THRB: variants seen among roughly 807,000 people sequenced by gnomAD.
The protein encoded by THRB is thyroid hormone receptor beta.
In THRB, 12 loss-of-function variants were observed where a neutral mutation model predicts 47.8. The observed-to-expected ratio is 0.25, with a 90% CI of 0.16 to 0.41. The LOEUF is 0.41. THRB is among the 10% of genes least tolerant of loss of function. The pLI, the probability that THRB is intolerant of heterozygous loss-of-function variation, is 1.00. For missense variants in THRB, 348 were observed against 589.2 expected (o/e 0.59, Z 4.24); for synonymous variants, 218 against 212.2 (o/e 1.03, Z -0.24).
intron 3 of THRB, among the ~76,000 whole-genome samples, chr3:24,246,458 GA>G (rs2050121345): frequency 6.6e-6 from 1 of 152,216 alleles, no homozygotes; most frequent in Non-Finnish European, 1.5e-5. Context: ...TTCTCAGTGT[GA>G]AATGATTTCT....
At chr3:24,390,797 A>AAATATATATAT (rs5847290) in intron 1 of THRB, among the ~76,000 whole-genome samples, 15 of 137,862 alleles carry the variant, frequency 1.1e-4, no homozygotes, top group African/African-American at 3.8e-4. Context: ...AAAAAAAAAA[A>AAATATATATAT]ATATATATAT....
rs118086411 is a variant in THRB, at chr3:24,228,528, A to G, written c.22+410T>C. ...CTACTGTAAATCCAAGCACTTTGGGAGGCTGAGGTGGGAGAATCACTTGAG... is the reference window on the plus strand; with the variant it reads ...CTACTGTAAATCCAAGCACTTTGGGGGGCTGAGGTGGGAGAATCACTTGAG... On this transcript the variant is annotated intron_variant, in intron 4 of 10. Transcript: ENST00000646209. 2.2e-3 allele frequency among the ~76,000 whole-genome samples: 326 copies of G among 150,576 alleles called. 4 individuals are homozygous for G. Among genetic ancestry groups the G allele is most frequent in the East Asian group, 0.015 (73 of 5,022 alleles).
chr3:24,487,344 G>GCACACACACA (rs61358157), intron 1 of THRB, among the ~76,000 whole-genome samples: 1 of 146,384 alleles, frequency 6.8e-6, no homozygotes, highest in African/African-American at 2.5e-5. Flanking sequence ...AGACACACAA[G>GCACACACACA]CACACACACA....
chr3:24,434,160 A>G (rs1330034437), intron 1 of THRB, among the ~76,000 whole-genome samples: 1 of 152,152 alleles, frequency 6.6e-6, no homozygotes, highest in Non-Finnish European at 1.5e-5. Flanking sequence ...AAGGAAGATG[A>G]AGAGAGGACT....
intron 4 of THRB, among the ~76,000 whole-genome samples, chr3:24,224,098 A>C (rs2047417184): frequency 6.6e-6 from 1 of 152,202 alleles, no homozygotes; most frequent in Admixed American, 6.5e-5. Context: ...ATCTGGCTAA[A>C]ATGTGAAAAC....
At chr3:24,388,505 T>A (rs988109769) in intron 1 of THRB, among the ~76,000 whole-genome samples, 6 of 152,184 alleles carry the variant, frequency 3.9e-5, no homozygotes, top group Non-Finnish European at 7.3e-5. Flanking sequence ...TCCCTAGAAC[T>A]GTTTTGTGTG....
chr3:24,467,738 G>T (rs1232779529), intron 1 of THRB, among the ~76,000 whole-genome samples: 1 of 152,188 alleles, frequency 6.6e-6, no homozygotes, highest in Non-Finnish European at 1.5e-5. Context: ...CTGTCATCCA[G>T]GCTTTGTTGT....
rs572325175 is a variant in THRB at position 24,119,289 on chromosome 3, C to G, written c.*3595G>C. 5.3e-5 allele frequency: 8 copies of G among 152,342 alleles called. No individual in the cohort carries two copies. In the East Asian group the frequency reaches 1.5e-3, roughly 29 times the overall value. The allele number at this position is 152,342 out of a possible 1,614,324, so 9.4% of individuals were successfully genotyped here. On this transcript the variant is annotated 3_prime_UTR_variant, in exon 11 of 11. Coordinates refer to ENST00000646209, the MANE Select transcript of THRB (RefSeq NM_001354712.2). ...AAAGAGATTCAAATGTCGATCATCA[C>G]TCTCCATTTGAGGAGGAACTGTGGC...
chr3:24,256,895 G>A (rs2051344743), intron 3 of THRB, among the ~76,000 whole-genome samples: 1 of 152,206 alleles, frequency 6.6e-6, no homozygotes, highest in Non-Finnish European at 1.5e-5. Flanking sequence ...AGGATTCAGG[G>A]AAATGTTGAT....
chr3:24,182,758 T>A (rs1191579112), intron 5 of THRB, among the ~76,000 whole-genome samples: 1 of 152,216 alleles, frequency 6.6e-6, no homozygotes, highest in Non-Finnish European at 1.5e-5. Context: ...CAAGTTTCAA[T>A]GGCTGGTAAA....
At chr3:24,303,841 T>G (rs527458327) in intron 2 of THRB, among the ~76,000 whole-genome samples, 1 of 152,326 alleles carries the variant, frequency 6.6e-6, no homozygotes, top group African/African-American at 2.4e-5. Flanking sequence ...ATTTCCTACA[T>G]GTACTTTTAT....
Position 24,139,385 on chromosome 3 carries a change from C to CTTT in THRB, c.738+4113_738+4115dup, listed in dbSNP as rs35616801. Among the ~76,000 whole-genome samples the CTTT allele has an allele frequency of 3.8e-3, 544 of 142,648 alleles. 11 individuals are homozygous for CTTT. In the East Asian group the frequency reaches 0.049, roughly 13 times the overall value. 93.6% of individuals were successfully genotyped at this position (142,648 alleles called of 152,430 possible). A position where few individuals can be genotyped will look rare whatever the true frequency, so the allele number is the denominator to read the frequency against. On this transcript the variant is annotated intron_variant, in intron 8 of 10. Transcript: ENST00000646209. Reference sequence around the variant, plus strand: ...TTCTTTCTTTCTTTCTTTTTCTTTTCTTTCTTTTTTTTTTTTGAGACATGG... The same window carrying CTTT: ...TTCTTTCTTTCTTTCTTTTTCTTTTCTTTTTTCTTTTTTTTTTTTGAGACATGG...
At chr3:24,158,667 T>TA (rs1165356462) in intron 5 of THRB, among the ~76,000 whole-genome samples, 3 of 152,156 alleles carry the variant, frequency 2.0e-5, no homozygotes, top group Non-Finnish European at 4.4e-5. Context: ...TGATCTCAGG[T>TA]AGTCTACCTG....
At chr3:24,295,635 T>C (rs980121860) in intron 3 of THRB, among the ~76,000 whole-genome samples, 5 of 152,230 alleles carry the variant, frequency 3.3e-5, no homozygotes, top group Non-Finnish European at 7.3e-5. Flanking sequence ...CTCTGCACTT[T>C]TGAATTCAAT....
chr3:24,298,059 T>C (rs1229415196), intron 2 of THRB, among the ~76,000 whole-genome samples: 1 of 152,246 alleles, frequency 6.6e-6, no homozygotes, highest in East Asian at 1.9e-4. Context: ...GAAAACCTTG[T>C]TCTAAAGCAT....
chr3:24,227,956 C>A (rs2047841063), intron 4 of THRB, among the ~76,000 whole-genome samples: 1 of 152,046 alleles, frequency 6.6e-6, no homozygotes. Flanking sequence ...TTCGACTGAG[C>A]CATAAGTCTA....
rs115128912 is a variant in THRB, at chr3:24,463,907, T to C, written c.-261+30745A>G. 6.4e-3 allele frequency among the ~76,000 whole-genome samples: 974 copies of C among 152,296 alleles called. 11 individuals carry two copies. The highest frequency in any genetic ancestry group is 0.022 in the African/African-American group (916 of 41,568). On this transcript the variant is annotated intron_variant, in intron 1 of 10. Coordinates refer to ENST00000646209, the MANE Select transcript of THRB (RefSeq NM_001354712.2). ...AGTAATCTGTTAAATGCTATCCCCT[T>C]TGTAAGAGTTATCGACACTTTGAAA...
intron 4 of THRB, among the ~76,000 whole-genome samples, chr3:24,200,567 T>C (rs542001661): frequency 6.6e-6 from 1 of 152,326 alleles, no homozygotes; most frequent in South Asian, 2.1e-4. Flanking sequence ...AAATATATGC[T>C]AGTGTTAGCA....
intron 3 of THRB, among the ~76,000 whole-genome samples, chr3:24,260,222 T>A (rs866487762): frequency 1.3e-5 from 2 of 152,182 alleles, no homozygotes; most frequent in Non-Finnish European, 2.9e-5. Context: ...GAAGAAATGT[T>A]TTTTTCTGGG....
Sources: allele counts gnomAD v4.1 joint callset (sites outside exome capture counted in the v4.1 genomes callset), GRCh38; gene constraint gnomAD v4.1.1; transcripts MANE v1.5; gene names NCBI Gene and HGNC (gene_info 2026-07-23, HGNC 2026-07-21).